RGS22: variants seen among roughly 807,000 people sequenced by gnomAD.
The protein encoded by RGS22 is regulator of G-protein signaling 22.
RGS22 carries 148 observed loss-of-function variants against 172.9 expected under a neutral mutation model. The observed-to-expected ratio is 0.86, with a 90% confidence interval of 0.75 to 0.98. RGS22 has a LOEUF of 0.98. RGS22 is among the 50% of genes least tolerant of loss of function. The pLI, the probability that RGS22 is intolerant of heterozygous loss-of-function variation, is 0.00. For synonymous variants in RGS22, 458 were observed against 480.2 expected (o/e 0.95, Z 0.60); for missense variants, 1,347 against 1,440.8 (o/e 0.93, Z 1.05).
At chr8:100,090,002 C>T (rs1812454249) in intron 3 of RGS22, among the ~76,000 whole-genome samples, 1 of 152,096 alleles carries the variant, frequency 6.6e-6, no homozygotes, top group South Asian at 2.1e-4. Context: ...AAGCCAATGA[C>T]AGATTTGTTT....
At chr8:100,018,277 G>T (rs1349117660) in intron 14 of RGS22, among the ~76,000 whole-genome samples, 1 of 151,532 alleles carries the variant, frequency 6.6e-6, no homozygotes, top group African/African-American at 2.4e-5. Flanking sequence ...AATTCTGGGA[G>T]TTAATTTTCT....
At chr8:100,088,115 A>C (rs1388275556) in intron 3 of RGS22, among the ~76,000 whole-genome samples, 1 of 152,094 alleles carries the variant, frequency 6.6e-6, no homozygotes, top group Non-Finnish European at 1.5e-5. Flanking sequence ...CTGGCCCCCC[A>C]CAACAGTCCA....
At chr8:100,095,186 T>G (rs1812869838) in intron 2 of RGS22, among the ~76,000 whole-genome samples, 1 of 152,138 alleles carries the variant, frequency 6.6e-6, no homozygotes, top group African/African-American at 2.4e-5. Flanking sequence ...ACCCGTTTTA[T>G]TTTTGTTTTT....
At chr8:100,091,551 CTA>C (rs1485414816) in intron 3 of RGS22, among the ~76,000 whole-genome samples, 1 of 152,000 alleles carries the variant, frequency 6.6e-6, no homozygotes, top group Non-Finnish European at 1.5e-5. Context: ...GGTAAACTGT[CTA>C]TAATATTGTT....
At chr8:100,035,389 A>C (rs1386629539) in intron 14 of RGS22, among the ~76,000 whole-genome samples, 1 of 152,242 alleles carries the variant, frequency 6.6e-6, no homozygotes, top group Admixed American at 6.5e-5. Context: ...AGAGAAATGC[A>C]AATCAAAACC....
chr8:99,965,616 T>C (rs1385578125), intron 23 of RGS22, among the ~76,000 whole-genome samples, 186 bp from the exon 24 acceptor site: 1 of 152,134 alleles, frequency 6.6e-6, no homozygotes, highest in Non-Finnish European at 1.5e-5. Context: ...TCTTATTTCA[T>C]ACTAATATAA....
chr8:100,080,295 C>A lies in RGS22; in HGVS notation c.178G>T (p.Ala60Ser), dbSNP rs1487941499. The A allele has an allele frequency of 1.9e-6, 3 of 1,613,644 alleles. No individual in the cohort carries two copies. Among genetic ancestry groups the A allele is most frequent in the Non-Finnish European group, 2.5e-6 (3 of 1,179,798 alleles). ...DYGVFEVAND[A>S]PQFLEKQLKK... ...AGTTGTTTTTCCAGAAATTGTGGAG[C>A]ATCATTAGCTACTTCAAAAACTCCA... Residue 60 changes from alanine to serine, a missense_variant, in exon 4 of 28, where the codon GCT becomes TCT. Coordinates refer to ENST00000360863, the MANE Select transcript of RGS22 (RefSeq NM_015668.5).
rs866140794 is a variant in RGS22, at chr8:100,051,619, A to G, written c.1689+1183T>C. The stretch of plus-strand genomic sequence containing the variant: ...AATATATATTTATATATGTTTATAC[A>G]TATATAAATATATATTTATATATGT... On this transcript the variant is annotated intron_variant, in intron 10 of 27. Coordinates refer to ENST00000360863, the MANE Select transcript of RGS22 (RefSeq NM_015668.5). Among the ~76,000 whole-genome samples, 33 of 13,288 alleles carry G rather than the reference A, an allele frequency of 2.5e-3. 6 individuals are homozygous for G. The highest frequency in any genetic ancestry group is 6.0e-3 in the Admixed American group (4 of 664). 8.7% of individuals were successfully genotyped at this position (13,288 alleles called of 152,430 possible).
At position 100,091,697 on chromosome 8, in the gene RGS22, C is replaced by G. The variant is rs189388166; in HGVS notation, c.117+1750G>C. Among the ~76,000 whole-genome samples the G allele has an allele frequency of 3.9e-5, 6 of 152,200 alleles. No individual in the cohort carries two copies. In the East Asian group the frequency reaches 1.2e-3, roughly 29 times the overall value. ...AAATGTTAAGAAACCGACATTAGAT[C>G]TATATAGAGATTTTTCTATTTAAAA... On this transcript the variant is annotated intron_variant, in intron 3 of 27. Coordinates refer to ENST00000360863, the MANE Select transcript of RGS22 (RefSeq NM_015668.5).
chr8:99,968,064 C>T (rs745451111), intron 23 of RGS22, among the ~76,000 whole-genome samples: 34 of 152,204 alleles, frequency 2.2e-4, no homozygotes, highest in Admixed American at 4.6e-4. Context: ...GTTCTGCAGC[C>T]TCTGCCGGTG....
In RGS22 at chr8:100,066,245, G is replaced by T. The variant is rs767038786; in HGVS notation, c.646C>A (p.Gln216Lys). The T allele has an allele frequency of 1.2e-6, 2 of 1,613,098 alleles. No homozygotes were observed. The highest frequency in any genetic ancestry group is 3.3e-5 in the Admixed American group (2 of 60,014). ...GGTAACGAAAAGGTTGATACTGTTTGCTGACTTTGTTTTGCTAATGCAAAC... is the reference window on the plus strand; with the variant it reads ...GGTAACGAAAAGGTTGATACTGTTTTCTGACTTTGTTTTGCTAATGCAAAC... The part of the protein sequence containing the change: ...DWFALAKQSQ[Q>K]TVSTFSLPCC... The change falls in exon 7 of 28, where the codon CAA becomes AAA. Residue 216 changes from glutamine to lysine, a missense_variant. Coordinates refer to ENST00000360863, the MANE Select transcript of RGS22 (RefSeq NM_015668.5).
At chr8:100,061,993 T>G (rs1810173979) in intron 9 of RGS22, among the ~76,000 whole-genome samples, 1 of 152,236 alleles carries the variant, frequency 6.6e-6, no homozygotes, top group Admixed American at 6.5e-5. Context: ...TTATGTCCTT[T>G]GCAGGAATAT....
At chr8:100,019,877 CA>C (rs1439740751) in intron 14 of RGS22, among the ~76,000 whole-genome samples, 1 of 148,678 alleles carries the variant, frequency 6.7e-6, no homozygotes, top group Non-Finnish European at 1.5e-5. Flanking sequence ...TCTGCTGTTG[CA>C]AAAAAAGTAC....
At chr8:100,104,309 A>T (rs1813735317) in intron 2 of RGS22, among the ~76,000 whole-genome samples, 2 of 149,298 alleles carry the variant, frequency 1.3e-5, no homozygotes, top group South Asian at 4.3e-4. Flanking sequence ...ACAGAGAGAG[A>T]CCCTGTCTCA....
intron 18 of RGS22, among the ~76,000 whole-genome samples, chr8:100,001,552 G>A (rs1815092543): frequency 6.6e-6 from 1 of 152,028 alleles, no homozygotes; most frequent in African/African-American, 2.4e-5. Flanking sequence ...TATTCTTGCT[G>A]TCAATCTAAT....
intron 20 of RGS22, among the ~76,000 whole-genome samples, chr8:99,990,363 C>T (rs1278451593): frequency 1.3e-5 from 2 of 152,030 alleles, no homozygotes; most frequent in Non-Finnish European, 2.9e-5. Flanking sequence ...GCAGAAGGAC[C>T]CTGTTTCCCA....
intron 2 of RGS22, among the ~76,000 whole-genome samples, chr8:100,103,141 TAGG>T (rs1486621435): frequency 1.3e-5 from 2 of 152,268 alleles, no homozygotes; most frequent in African/African-American, 4.8e-5. Context: ...GTAAGAGTGA[TAGG>T]AGAAGGAAAA....
intron 23 of RGS22, among the ~76,000 whole-genome samples, chr8:99,977,368 C>T (rs1812087229): frequency 6.6e-6 from 1 of 151,126 alleles, no homozygotes; most frequent in Non-Finnish European, 1.5e-5. Flanking sequence ...GGCAATCCGC[C>T]CGTCTCGGCC....
intron 20 of RGS22, among the ~76,000 whole-genome samples, chr8:99,987,837 G>A (rs149513071): frequency 7.2e-4 from 109 of 152,070 alleles, no homozygotes; most frequent in African/African-American, 2.0e-3. Context: ...GATTTAGACC[G>A]TATGACTACA....
Sources: gnomAD v4.1 joint callset for allele counts (sites outside exome capture counted in the v4.1 genomes callset) on GRCh38, gnomAD v4.1.1 for gene constraint, MANE v1.5 for transcripts, NCBI Gene and HGNC (gene_info 2026-07-23, HGNC 2026-07-21) for gene names.